The following KLHL8 variants were observed in gnomAD, a reference collection of about 807,000 sequenced individuals.
KLHL8 encodes the protein kelch-like protein 8.
KLHL8 carries 38 observed loss-of-function variants against 63.5 expected under a neutral mutation model. That is an observed-to-expected ratio of 0.60 (90% CI 0.46 to 0.78). KLHL8 has a LOEUF of 0.78. Among genes scored for constraint, KLHL8 ranks in the 30% least tolerant of loss-of-function variants. KLHL8 has a pLI of 0.00. For missense variants in KLHL8, 566 were observed against 752.4 expected (o/e 0.75, Z 2.90); for synonymous variants, 224 against 254.3 (o/e 0.88, Z 1.13).
At chr4:87,185,891 C>G in intron 2 of KLHL8, 92 bp from the exon 3 acceptor site, 1 of 1,091,190 alleles carries the variant, frequency 9.2e-7, no homozygotes, top group South Asian at 1.7e-5. Flanking sequence ...GACAAAATTT[C>G]CAGACAAATT....
intron 1 of KLHL8, among the ~76,000 whole-genome samples, chr4:87,230,519 C>G (rs968578982): frequency 6.6e-6 from 1 of 152,218 alleles, no homozygotes; most frequent in Admixed American, 6.5e-5. Context: ...ATCCTCTAGT[C>G]TGGTCAAGAA....
intron 1 of KLHL8, among the ~76,000 whole-genome samples, chr4:87,217,090 T>C (rs4693807): frequency 0.95 from 145,288 of 152,214 alleles, 69,685 homozygotes; most frequent in East Asian, 1. Flanking sequence ...CCATAAAAGC[T>C]CCTCAAAACA....
rs139705216 is a variant in KLHL8 at position 87,185,791 on chromosome 4, T to C, written c.225A>G (p.Ser75=). The change falls in exon 3 of 10, where the codon TCA becomes TCG. Residue 75 remains serine, a synonymous_variant. Transcript: ENST00000273963. ...CCAGCTTGTGACAAGAGATTAGCTT[T>C]GAGCCAACCTGTTCAAAAGAAACCA... ...ELCDVTLKVG[S]KLISCHKLVL... is the part of the protein sequence containing the mutation. 27 of 1,596,446 alleles carry C rather than the reference T, an allele frequency of 1.7e-5. No homozygotes were observed. The African/African-American group carries it at 3.2e-4, about 19-fold the overall frequency.
At chr4:87,213,664 A>T (rs1051651064) in intron 1 of KLHL8, among the ~76,000 whole-genome samples, 2 of 152,244 alleles carry the variant, frequency 1.3e-5, no homozygotes, top group African/African-American at 2.4e-5. Context: ...AAAAGAACAC[A>T]GCATGGCTGT....
chr4:87,182,478 T>C (rs1304517174), intron 4 of KLHL8, among the ~76,000 whole-genome samples: 1 of 152,126 alleles, frequency 6.6e-6, no homozygotes, highest in Non-Finnish European at 1.5e-5. Context: ...TTGCACCATA[T>C]ATAGAGGAAG....
chr4:87,226,760 TATATATA>T (rs1429106011), intron 1 of KLHL8, among the ~76,000 whole-genome samples: 3 of 18,042 alleles, frequency 1.7e-4, no homozygotes, highest in South Asian at 3.6e-3. Context: ...ATATATTATT[TATATATA>T]ATATATATTA....
In KLHL8 at chr4:87,163,871, A is replaced by G; in HGVS notation, c.1739+7T>C. On this transcript the variant is annotated splice_region_variant and intron_variant, in intron 9 of 9. Transcript: ENST00000273963. ...AATATAAAGCACGGAGACAACATGT[A>G]AATTACCTATTCAGCACTGGATCAA... 1 of 1,612,370 alleles carries G rather than the reference A, an allele frequency of 6.2e-7. No homozygotes were observed. The highest frequency in any genetic ancestry group is 2.2e-5 in the East Asian group (1 of 44,870).
In KLHL8 at chr4:87,167,588, T is replaced by C. The variant is rs181601353; in HGVS notation, c.1537+2491A>G. 19 of 514,486 alleles carry C rather than the reference T, an allele frequency of 3.7e-5. No homozygotes were observed. The East Asian group carries it at 8.4e-4, about 23-fold the overall frequency. The allele number at this position is 514,486 out of a possible 1,614,324, so 31.9% of individuals were successfully genotyped here. A position where few individuals can be genotyped will look rare whatever the true frequency, so the allele number is the denominator to read the frequency against. ...GCTGTTATGCTAAGAAGAAGGGCAGTGCCATCCACAGGAAGCAGCACCATG... is the reference window on the plus strand; with the variant it reads ...GCTGTTATGCTAAGAAGAAGGGCAGCGCCATCCACAGGAAGCAGCACCATG... On this transcript the variant is annotated intron_variant, in intron 8 of 9. Transcript: ENST00000273963.
intron 6 of KLHL8, among the ~76,000 whole-genome samples, chr4:87,175,086 C>A (rs1192417594): frequency 6.6e-6 from 1 of 152,152 alleles, no homozygotes; most frequent in East Asian, 1.9e-4. Context: ...TTATTACAAT[C>A]CATTTTTGTG....
intron 3 of KLHL8, among the ~76,000 whole-genome samples, chr4:87,183,854 T>C (rs1388294898): frequency 1.3e-5 from 2 of 152,204 alleles, no homozygotes; most frequent in Admixed American, 1.3e-4. Flanking sequence ...AATGTAAAAA[T>C]TCATATCTGA....
chr4:87,204,999 T>C (rs1050693284), intron 1 of KLHL8, among the ~76,000 whole-genome samples: 2 of 151,762 alleles, frequency 1.3e-5, no homozygotes, highest in Admixed American at 6.6e-5. Context: ...AAAAATAAAA[T>C]GGAAAAAAAG....
At chr4:87,203,840 A>G (rs1279137421) in intron 1 of KLHL8, among the ~76,000 whole-genome samples, 1 of 152,086 alleles carries the variant, frequency 6.6e-6, no homozygotes, top group East Asian at 1.9e-4. Context: ...GAAAGACACC[A>G]TAAGAGAATA....
At position 87,225,903 on chromosome 4, in the gene KLHL8, C is replaced by T. The variant is rs1732964833; in HGVS notation, n.58-4513G>A. ...ATTTTATTTTTATTACTCCATCATA[C>T]CCAAGTCTAATCAGTTTCCATTTCC... On this transcript the variant is annotated intron_variant and non_coding_transcript_variant, in intron 1 of 1. Coordinates refer to the KLHL8 transcript ENST00000506274. Among the ~76,000 whole-genome samples the T allele has an allele frequency of 6.6e-5, 10 of 152,044 alleles. No homozygotes were observed. The South Asian group carries it at 2.1e-3, about 32-fold the overall frequency.
At chr4:87,186,478 G>A (rs1247132477) in intron 2 of KLHL8, among the ~76,000 whole-genome samples, 1 of 147,162 alleles carries the variant, frequency 6.8e-6, no homozygotes, top group Non-Finnish European at 1.5e-5. Flanking sequence ...ACTATTGTAA[G>A]TGCTTTTTTT....
intron 1 of KLHL8, among the ~76,000 whole-genome samples, chr4:87,202,873 C>T (rs959107622): frequency 6.6e-6 from 1 of 152,170 alleles, no homozygotes; most frequent in Non-Finnish European, 1.5e-5. Context: ...AACTACAAAT[C>T]AATATCCCTC....
intron 2 of KLHL8, among the ~76,000 whole-genome samples, chr4:87,188,282 T>A (rs1178416837): frequency 6.6e-6 from 1 of 152,200 alleles, no homozygotes; most frequent in African/African-American, 2.4e-5. Flanking sequence ...GGGATTCAGT[T>A]TCTATGCAAA....
At chr4:87,221,899 C>T (rs1288459676), upstream of KLHL8, among the ~76,000 whole-genome samples, 1 of 151,948 alleles carries the variant, frequency 6.6e-6, no homozygotes, top group East Asian at 1.9e-4. Context: ...AAGAAGTATG[C>T]AGTGAAGAAA....
chr4:87,207,373 G>C, intron 1 of KLHL8: 1 of 662,602 alleles, frequency 1.5e-6, no homozygotes, highest in South Asian at 1.5e-5. Context: ...GTACGTTGTG[G>C]AGTCCACTGG....
intron 6 of KLHL8, among the ~76,000 whole-genome samples, chr4:87,175,096 G>A (rs1208100942): frequency 6.6e-6 from 1 of 151,992 alleles, no homozygotes; most frequent in Non-Finnish European, 1.5e-5. Context: ...CCATTTTTGT[G>A]CATTTTCTAT....
Sources: gnomAD v4.1 joint callset for allele counts (sites outside exome capture counted in the v4.1 genomes callset) on GRCh38, gnomAD v4.1.1 for gene constraint, MANE v1.5 for transcripts, NCBI Gene and HGNC (gene_info 2026-07-23, HGNC 2026-07-21) for gene names.